MMGT1: variants seen among roughly 807,000 people sequenced by gnomAD.
MMGT1 encodes membrane magnesium transporter 1, also known as ER membrane protein complex subunit 5.
A neutral mutation model predicts 11.7 loss-of-function variants in MMGT1; 2 were observed. The ratio of observed to expected loss-of-function variants is 0.17; its 90% confidence interval spans 0.07 to 0.54. The LOEUF is 0.54. Ranked by LOEUF, MMGT1 falls within the 20% of genes least tolerant of loss-of-function variation. MMGT1 has a pLI of 0.94. For synonymous variants in MMGT1, 49 were observed against 44.4 expected, an observed-to-expected ratio of 1.10 and a Z score of -0.41; for missense variants, 74 against 109.0, an observed-to-expected ratio of 0.68 and a Z score of 1.43.
At chrX:135,969,144 A>G (rs200925681) in intron 2 of MMGT1, among the ~76,000 whole-genome samples, 1,174 of 100,941 alleles carry the variant, frequency 0.012, 14 homozygotes, top group African/African-American at 0.031. Flanking sequence ...AAATATGTGT[A>G]TGTGTGTGTG....
At chrX:135,971,146 G>A in intron 1 of MMGT1, 36 bp from the exon 2 acceptor site, 2 of 1,015,708 alleles carry the variant, frequency 2.0e-6, no homozygotes, top group African/African-American at 3.7e-5. Context: ...GGAAACTGTA[G>A]TTCATTTTTC....
At chrX:135,971,625 T>C in intron 1 of MMGT1, among the ~76,000 whole-genome samples, 1 of 112,395 alleles carries the variant, frequency 8.9e-6, no homozygotes, top group Non-Finnish European at 1.9e-5. Context: ...AACTCTGAAA[T>C]AGCACCACCA....
In MMGT1 at chrX:135,962,140, A is replaced by G. The variant is rs1009052532; in HGVS notation, c.*2884T>C. On this transcript the variant is annotated 3_prime_UTR_variant, in exon 4 of 4. Transcript: ENST00000305963. ...TTAAAGATTGGAAACATATCCCAAA[A>G]ACACGTGTTTAGTTTGGTGTTACAG... 1.7e-4 allele frequency: 19 copies of G among 111,501 alleles called. No homozygotes were observed. The highest frequency in any genetic ancestry group is 3.8e-4 in the Admixed American group (4 of 10,469). The allele number at this position is 111,501 out of a possible 1,213,427, so 9.2% of individuals were successfully genotyped here.
At chrX:135,972,377 C>T (rs1294027340) in intron 1 of MMGT1, among the ~76,000 whole-genome samples, 1 of 112,453 alleles carries the variant, frequency 8.9e-6, no homozygotes, top group Non-Finnish European at 1.9e-5. Context: ...TGTTTAGAGA[C>T]ATTTCTTAAG....
chrX:135,967,526 C>T, intron 2 of MMGT1, 33 bp from the exon 3 acceptor site: 2 of 808,938 alleles, frequency 2.5e-6, no homozygotes, highest in African/African-American at 2.1e-5. Context: ...TACTAAATAA[C>T]ACAAACATTA....
rs1556611780 is a variant in MMGT1 at position 135,964,964 on chromosome X, AC to A, written c.*59del. 9.4e-7 allele frequency: 1 copy of A among 1,059,431 alleles called. No individual in the cohort carries two copies. Among genetic ancestry groups the A allele is most frequent in the Non-Finnish European group, 1.3e-6 (1 of 769,051 alleles). The allele number at this position is 1,059,431 out of a possible 1,213,427, so 87.3% of individuals were successfully genotyped here. On this transcript the variant is annotated 3_prime_UTR_variant, in exon 4 of 4. Transcript: ENST00000305963. ...ATGGGGGCAGGGAGGAGTGTTTTAT[AC>A]CCCAAACTCCAATATTCCAGCTCTG... is the stretch of plus-strand genomic sequence containing the variant.
Position 135,965,631 on chromosome X carries a change from T to C in MMGT1, c.237-448A>G, listed in dbSNP as rs781888408. Among the ~76,000 whole-genome samples, 552 of 111,093 alleles carry C rather than the reference T, an allele frequency of 5.0e-3. 2 individuals carry two copies. Among genetic ancestry groups the C allele is most frequent in the Non-Finnish European group, 8.5e-3 (449 of 52,985 alleles). ...TGTTGCCCAGGTGGTCTCAGACTCC[T>C]AGGATCAAGCAATTCTCCTACCTCA... On this transcript the variant is annotated intron_variant, in intron 3 of 3. Coordinates refer to ENST00000305963, the MANE Select transcript of MMGT1 (RefSeq NM_173470.3).
chrX:135,964,707 AT>A lies in MMGT1; in HGVS notation c.*316del. 1 of 164,234 alleles carries A rather than the reference AT, an allele frequency of 6.1e-6. No homozygotes were observed. The highest frequency in any genetic ancestry group is 3.0e-5 in the African/African-American group (1 of 33,671). The allele number at this position is 164,234 out of a possible 1,213,427, so 13.5% of individuals were successfully genotyped here. A position where few individuals can be genotyped will look rare whatever the true frequency, so the allele number is the denominator to read the frequency against. On this transcript the variant is annotated 3_prime_UTR_variant, in exon 4 of 4. Transcript: ENST00000305963. ...TGCAAAAGAAAAGAAATCTAAAAAA[AT>A]AAATAATCACAAAAACCACCAACAT...
At chrX:135,967,221 C>T (rs2089191518) in intron 3 of MMGT1, among the ~76,000 whole-genome samples, 169 bp downstream of exon 3, 1 of 112,304 alleles carries the variant, frequency 8.9e-6, no homozygotes, top group Non-Finnish European at 1.9e-5. Context: ...CATTTTCTTA[C>T]AGTATCAAAT....
chrX:135,969,529 G>A (rs979819108), intron 2 of MMGT1, among the ~76,000 whole-genome samples: 1 of 110,772 alleles, frequency 9.0e-6, no homozygotes, highest in Non-Finnish European at 1.9e-5. Flanking sequence ...TAGTAGAGAC[G>A]GGGTTTCACC....
chrX:135,964,172 T>C lies in MMGT1; in HGVS notation c.*852A>G, dbSNP rs571642825. ...CTAGTTTAGTATGAAATAAACAGAGTTTGAATCAGTTAAACTGGCTAATGA... is the reference window on the plus strand; with the variant it reads ...CTAGTTTAGTATGAAATAAACAGAGCTTGAATCAGTTAAACTGGCTAATGA... On this transcript the variant is annotated 3_prime_UTR_variant, in exon 4 of 4. Transcript: ENST00000305963. 14 of 113,034 alleles carry C rather than the reference T, an allele frequency of 1.2e-4. 1 individual carries two copies. The South Asian group carries it at 2.1e-3, about 17-fold the overall frequency. The allele number at this position is 113,034 out of a possible 1,213,427, so 9.3% of individuals were successfully genotyped here.
At chrX:135,968,890 T>C (rs948678713) in intron 2 of MMGT1, among the ~76,000 whole-genome samples, 3 of 111,626 alleles carry the variant, frequency 2.7e-5, no homozygotes, top group African/African-American at 9.8e-5. Context: ...CATTCTGCTG[T>C]TGTTATTGGA....
rs181367140 is a variant in MMGT1, at chrX:135,961,977, A to G, written c.*3047T>C. ...AGCATCACAGTAGAAAAATACAGTC[A>G]TAAAATTAGCTCTTACATTTTTCTG... On this transcript the variant is annotated 3_prime_UTR_variant, in exon 4 of 4. Coordinates refer to ENST00000305963, the MANE Select transcript of MMGT1 (RefSeq NM_173470.3). 1.1e-4 allele frequency: 12 copies of G among 111,225 alleles called. No homozygotes were observed. Among genetic ancestry groups the G allele is most frequent in the African/African-American group, 3.9e-4 (12 of 30,648 alleles). 9.2% of individuals were successfully genotyped at this position (111,225 alleles called of 1,213,427 possible). A position where few individuals can be genotyped will look rare whatever the true frequency, so the allele number is the denominator to read the frequency against.
chrX:135,967,130 A>G (rs1029951631), intron 3 of MMGT1, among the ~76,000 whole-genome samples: 1 of 111,310 alleles, frequency 9.0e-6, no homozygotes, highest in Non-Finnish European at 1.9e-5. Flanking sequence ...CTATATATCT[A>G]TTTTCATCCA....
intron 2 of MMGT1, among the ~76,000 whole-genome samples, chrX:135,970,240 G>T (rs911894174): frequency 1.4e-4 from 15 of 109,477 alleles, no homozygotes; most frequent in Non-Finnish European, 2.9e-4. Flanking sequence ...GGTGGTGGGC[G>T]CCTATAATCC....
At chrX:135,966,820 C>T (rs962700528) in intron 3 of MMGT1, among the ~76,000 whole-genome samples, 1 of 110,884 alleles carries the variant, frequency 9.0e-6, no homozygotes, top group Non-Finnish European at 1.9e-5. Context: ...GCAAACATAG[C>T]TCATGAAAAT....
At position 135,965,123 on chromosome X, in the gene MMGT1, T is replaced by G. The variant is rs781850883; in HGVS notation, c.297A>C (p.Val99=). Residue 99 remains valine, a synonymous_variant, in exon 4 of 4, where the codon GTA becomes GTC. Coordinates refer to ENST00000305963, the MANE Select transcript of MMGT1 (RefSeq NM_173470.3). ...SFYVFNHRGR[V]LFRPSDTANS... is the part of the protein sequence containing the mutation. ...TTGCTGTATCCGAAGGCCGGAAAAG[T>G]ACTCGACCACGATGATTAAATACAT... is the stretch of plus-strand genomic sequence containing the variant. 1.1e-5 allele frequency: 13 copies of G among 1,207,713 alleles called. No individual in the cohort carries two copies. Among genetic ancestry groups the G allele is most frequent in the Non-Finnish European group, 1.5e-5 (13 of 891,838 alleles).
At chrX:135,968,233 C>T (rs990402038) in intron 2 of MMGT1, among the ~76,000 whole-genome samples, 1 of 111,619 alleles carries the variant, frequency 9.0e-6, no homozygotes, top group Non-Finnish European at 1.9e-5. Flanking sequence ...ACCCACCACC[C>T]AGCTTAAGAA....
chrX:135,964,374 G>C lies in MMGT1; in HGVS notation c.*650C>G, dbSNP rs2089173377. On this transcript the variant is annotated 3_prime_UTR_variant, in exon 4 of 4. Coordinates refer to ENST00000305963, the MANE Select transcript of MMGT1 (RefSeq NM_173470.3). ...TGAGCCTGTTACATATATTTGTTCT[G>C]ACAAAGAATTTCTGACACAAAAATT... 8.8e-6 allele frequency: 1 copy of C among 113,019 alleles called. No individual in the cohort carries two copies. The highest frequency in any genetic ancestry group is 3.6e-4 in the South Asian group (1 of 2,800). The allele number at this position is 113,019 out of a possible 1,213,427, so 9.3% of individuals were successfully genotyped here. A position where few individuals can be genotyped will look rare whatever the true frequency, so the allele number is the denominator to read the frequency against.
Sources: gnomAD v4.1 joint callset for allele counts (sites outside exome capture counted in the v4.1 genomes callset) on GRCh38, gnomAD v4.1.1 for gene constraint, MANE v1.5 for transcripts, NCBI Gene and HGNC (gene_info 2026-07-23, HGNC 2026-07-21) for gene names.